ARHGAP1: variants seen among roughly 807,000 people sequenced by gnomAD.
The protein encoded by ARHGAP1 is rho GTPase-activating protein 1.
ARHGAP1 carries 23 observed loss-of-function variants against 52.2 expected under a neutral mutation model. The ratio of observed to expected loss-of-function variants is 0.44; its 90% CI spans 0.32 to 0.62. The LOEUF (loss-of-function observed/expected upper bound fraction) is 0.62. Ranked by LOEUF, ARHGAP1 falls within the 20% of genes least tolerant of loss-of-function variation. The probability of loss-of-function intolerance (pLI) is 0.05; values close to 1 mark genes in which losing one functional copy is unlikely to be tolerated. For missense variants in ARHGAP1, 480 were observed against 560.9 expected, an observed-to-expected ratio of 0.86 and a Z score of 1.46; for synonymous variants, 210 against 228.4, an observed-to-expected ratio of 0.92 and a Z score of 0.73.
chr11:46,687,599 G>T (rs1319198495), intron 4 of ARHGAP1: 1 of 152,428 alleles, frequency 6.6e-6, no homozygotes, highest in Admixed American at 6.5e-5. Context: ...TTGCTCGCCT[G>T]TGGGCCCAGA....
In ARHGAP1 at chr11:46,695,543, A is replaced by C. The variant is rs73454020; in HGVS notation, c.229+117T>G. The C allele has an allele frequency of 4.5e-4, 501 of 1,116,558 alleles. 2 individuals are homozygous for C. The African/African-American group carries it at 7.1e-3, about 16-fold the overall frequency. The allele number at this position is 1,116,558 out of a possible 1,614,324, so 69.2% of individuals were successfully genotyped here. On this transcript the variant is annotated intron_variant, in intron 3 of 12. Coordinates refer to ENST00000311956, the MANE Select transcript of ARHGAP1 (RefSeq NM_004308.5). The stretch of plus-strand genomic sequence containing the variant: ...TAGGCCACATGGCTCCCCACATGCC[A>C]GGAGCACCAGGGCCAGCGGTCAGAC...
intron 4 of ARHGAP1, chr11:46,686,733 CT>C (rs34162125): frequency 2.0e-3 from 263 of 134,060 alleles, no homozygotes; most frequent in Middle Eastern, 4.7e-3. Flanking sequence ...CAGGCACTTT[CT>C]TTTTTTTTTT....
chr11:46,693,573 TTTATTG>T (rs1364502321), intron 3 of ARHGAP1, among the ~76,000 whole-genome samples: 2 of 151,902 alleles, frequency 1.3e-5, no homozygotes, highest in African/African-American at 4.8e-5. Context: ...ACCTGGCTAA[TTTATTG>T]TTATTATTTT....
Position 46,691,271 on chromosome 11 carries a change from T to C in ARHGAP1, c.230-3011A>G, listed in dbSNP as rs1004987477. ...CATTAAACTATGGGATGCCTGGTTC[T>C]AGTTATATTTCTGTGTTTGTTCTTC... On this transcript the variant is annotated intron_variant, in intron 3 of 12. Transcript: ENST00000311956. Among the ~76,000 whole-genome samples the C allele has an allele frequency of 2.6e-5, 4 of 152,196 alleles. No individual in the cohort carries two copies. The South Asian group carries it at 8.3e-4, about 32-fold the overall frequency.
chr11:46,683,192 C>G (rs1304789323), intron 4 of ARHGAP1, among the ~76,000 whole-genome samples: 3 of 152,048 alleles, frequency 2.0e-5, no homozygotes, highest in Admixed American at 6.6e-5. Context: ...GTGTGAGCCA[C>G]CACACCCGGC....
rs747255016 is a variant in ARHGAP1 at position 46,681,019 on chromosome 11, T to C, written c.627A>G (p.Gln209=). Residue 209 remains glutamine, a synonymous_variant, in exon 7 of 13, where the codon CAA becomes CAG. Transcript: ENST00000311956. The surrounding 1 kb of genome is among the most constrained non-coding windows in gnomAD (Gnocchi z 5.7). ...VKLEQLGIPR[Q]VLKYDDFLKS... is the part of the protein sequence containing the mutation. The stretch of plus-strand genomic sequence containing the variant: ...CGCCGCACCCGCCTCACTTGAGCAC[T>C]TGGCGAGGGATCCCCAGCTGCTCCA... 1 of 1,614,028 alleles carries C rather than the reference T, an allele frequency of 6.2e-7. No homozygotes were observed. Among genetic ancestry groups the C allele is most frequent in the Non-Finnish European group, 8.5e-7 (1 of 1,179,968 alleles).
At position 46,680,616 on chromosome 11, in the gene ARHGAP1, G is replaced by A. The variant is rs1228829042; in HGVS notation, c.743+24C>T. ...CCTGCAGCCCTTCCCGCCCCGCCGT[G>A]GCCCAGCCACCTTTCATACTTACTG... On this transcript the variant is annotated intron_variant, in intron 8 of 12. Transcript: ENST00000311956. This position sits in a 1 kb window ranked among gnomAD's most constrained non-coding sequence, Gnocchi z 5.9. 2 of 1,613,442 alleles carry A rather than the reference G, an allele frequency of 1.2e-6. No individual in the cohort carries two copies. Among genetic ancestry groups the A allele is most frequent in the South Asian group, 2.2e-5 (2 of 91,064 alleles).
chr11:46,679,729 C>T lies in ARHGAP1; in HGVS notation c.946G>A (p.Val316Ile). The part of the protein sequence containing the change: ...DQYNELHLPA[V>I]ILKTFLRELP... ...TCCCGGAGGAAGGTCTTGAGGATGA[C>T]TGCTGGCAGGTGCAGCTCATTGTAC... The change falls in exon 11 of 13, where the codon GTC (valine) becomes ATC (isoleucine). Residue 316 changes from valine to isoleucine, a missense_variant. By Grantham distance (29) the Val-to-Ile change is conservative. Transcript: ENST00000311956. This position sits in a 1 kb window ranked among gnomAD's most constrained non-coding sequence, Gnocchi z 4.4. 2 of 1,614,070 alleles carry T rather than the reference C, an allele frequency of 1.2e-6. No homozygotes were observed. Among genetic ancestry groups the T allele is most frequent in the South Asian group, 1.1e-5 (1 of 91,084 alleles).
rs2064648238 is a variant in ARHGAP1 at position 46,695,809 on chromosome 11, G to C, written c.134-54C>G. ...AGCCAGGGGGCTGGCACCATGCTCTGCCCCACAGGCATGCTGTCTGGCCCT... is the reference window on the plus strand; with the variant it reads ...AGCCAGGGGGCTGGCACCATGCTCTCCCCCACAGGCATGCTGTCTGGCCCT... On this transcript the variant is annotated intron_variant, in intron 2 of 12. Coordinates refer to ENST00000311956, the MANE Select transcript of ARHGAP1 (RefSeq NM_004308.5). 7.1e-6 allele frequency: 11 copies of C among 1,556,854 alleles called. No homozygotes were observed. The South Asian group carries it at 1.3e-4, about 18-fold the overall frequency.
chr11:46,688,370 C>T, intron 3 of ARHGAP1, 110 bp from the exon 4 acceptor site: 2 of 1,090,214 alleles, frequency 1.8e-6, no homozygotes, highest in Non-Finnish European at 2.7e-6. Flanking sequence ...ACCACAGGGG[C>T]CAGAGTGCCC....
Position 46,681,254 on chromosome 11 carries a change from G to T in ARHGAP1, c.536+39C>A. The T allele has an allele frequency of 6.3e-7, 1 of 1,584,830 alleles. No homozygotes were observed. Among genetic ancestry groups the T allele is most frequent in the Non-Finnish European group, 8.7e-7 (1 of 1,153,432 alleles). The stretch of plus-strand genomic sequence containing the variant: ...CCAGCCTCCCAGCTTCAGAGTTCCA[G>T]GCAAGCCGGGACCACCAGCCCTGCC... On this transcript the variant is annotated intron_variant, in intron 6 of 12. Transcript: ENST00000311956. This position sits in a 1 kb window ranked among gnomAD's most constrained non-coding sequence, Gnocchi z 5.7.
In ARHGAP1 at chr11:46,679,883, C is replaced by A; in HGVS notation, c.899-107G>T. 1 of 1,526,936 alleles carries A rather than the reference C, an allele frequency of 6.5e-7. No homozygotes were observed. 94.6% of individuals were successfully genotyped at this position (1,526,936 alleles called of 1,614,324 possible). On this transcript the variant is annotated intron_variant, in intron 10 of 12. Transcript: ENST00000311956. This position sits in a 1 kb window ranked among gnomAD's most constrained non-coding sequence, Gnocchi z 4.4. ...TGACTGCCCCTGGACACTGCATAAGCCCCTCCTCCCAGGGGCGCCCTCTGA... is the reference window on the plus strand; with the variant it reads ...TGACTGCCCCTGGACACTGCATAAGACCCTCCTCCCAGGGGCGCCCTCTGA...
chr11:46,696,234 G>A lies in ARHGAP1; in HGVS notation c.-49-78C>T. On this transcript the variant is annotated intron_variant, in intron 1 of 12. Transcript: ENST00000311956. The surrounding 1 kb of genome is among the most constrained non-coding windows in gnomAD (Gnocchi z 4.8). ...TGCGACCTCCACCGCGTGCCCTCCT[G>A]CCCCCACCATTCCCTCTCCCAGGCT... 2 of 977,372 alleles carry A rather than the reference G, an allele frequency of 2.0e-6. No homozygotes were observed. Among genetic ancestry groups the A allele is most frequent in the Non-Finnish European group, 3.0e-6 (2 of 674,264 alleles). 60.5% of individuals were successfully genotyped at this position (977,372 alleles called of 1,614,324 possible). A position where few individuals can be genotyped will look rare whatever the true frequency, so the allele number is the denominator to read the frequency against.
At position 46,681,312 on chromosome 11, in the gene ARHGAP1, G is replaced by A; in HGVS notation, c.517C>T (p.Leu173Phe). Residue 173 changes from leucine to phenylalanine, a missense_variant, in exon 6 of 13, where the codon CTC (leucine) becomes TTC (phenylalanine). Coordinates refer to ENST00000311956, the MANE Select transcript of ARHGAP1 (RefSeq NM_004308.5). This position sits in a 1 kb window ranked among gnomAD's most constrained non-coding sequence, Gnocchi z 5.7. ...PTMFIKTLLI[L>F]FKPLISFKFG... ...ACTCACCTGATGAGGGGCTTGAAGA[G>A]GATGAGCAGAGTTTTGATGAACATG... The A allele has an allele frequency of 6.2e-7, 1 of 1,613,728 alleles. No individual in the cohort carries two copies. The highest frequency in any genetic ancestry group is 8.5e-7 in the Non-Finnish European group (1 of 1,179,604).
Position 46,696,306 on chromosome 11 carries a change from C to A in ARHGAP1, c.-49-150G>T. On this transcript the variant is annotated intron_variant, in intron 1 of 12. Coordinates refer to ENST00000311956, the MANE Select transcript of ARHGAP1 (RefSeq NM_004308.5). The surrounding 1 kb of genome is among the most constrained non-coding windows in gnomAD (Gnocchi z 4.8). Reference sequence around the variant, plus strand: ...CTCCTCATCCCCGCCAAGAGCTCCACGTAGCTCTGGGTTCTCCTGGCTCCG... The same window carrying A: ...CTCCTCATCCCCGCCAAGAGCTCCAAGTAGCTCTGGGTTCTCCTGGCTCCG... The A allele has an allele frequency of 1.7e-6, 1 of 603,556 alleles. No individual in the cohort carries two copies. The allele number at this position is 603,556 out of a possible 1,614,324, so 37.4% of individuals were successfully genotyped here.
intron 4 of ARHGAP1, among the ~76,000 whole-genome samples, chr11:46,683,600 C>G (rs555465096): frequency 6.6e-6 from 1 of 151,474 alleles, no homozygotes; most frequent in South Asian, 2.1e-4. Flanking sequence ...ATGGAATGAA[C>G]AAGAACTGGG....
At chr11:46,687,729 C>A (rs573360170) in intron 4 of ARHGAP1, 1 of 156,254 alleles carries the variant, frequency 6.4e-6, no homozygotes, top group African/African-American at 2.4e-5. Flanking sequence ...GAACCCACAT[C>A]GGTATAGAAA....
intron 2 of ARHGAP1, 32 bp from the exon 3 acceptor site, chr11:46,695,787 CA>C (rs1301344135): frequency 6.4e-7 from 1 of 1,554,036 alleles, no homozygotes; most frequent in East Asian, 2.4e-5. Context: ...GGGGACAAGC[CA>C]GGGGGCTGGC....
At position 46,679,433 on chromosome 11, in the gene ARHGAP1, G is replaced by T; in HGVS notation, c.1063C>A (p.Gln355Lys). The change falls in exon 12 of 13, where the codon CAG becomes AAG. Residue 355 changes from glutamine (Q) to lysine (K), a missense_variant. Transcript: ENST00000311956. The surrounding 1 kb of genome is among the most constrained non-coding windows in gnomAD (Gnocchi z 4.4). ...DESQRVPATLQVLQTLPEENY... is the reference protein window; with the variant it reads ...DESQRVPATLKVLQTLPEENY... ...TCCTCGGGCAGCGTCTGGAGGACCT[G>T]CAGTGTCGCTGGCACCCTCTGGCTT... The T allele has an allele frequency of 1.2e-6, 2 of 1,614,186 alleles. No homozygotes were observed. Among genetic ancestry groups the T allele is most frequent in the Non-Finnish European group, 1.7e-6 (2 of 1,180,024 alleles).
Sources: gnomAD v4.1 joint callset for allele counts (sites outside exome capture counted in the v4.1 genomes callset) on GRCh38, gnomAD v4.1.1 for gene constraint, Gnocchi (gnomAD v3.1) non-coding constraint, MANE v1.5 for transcripts, NCBI Gene and HGNC (gene_info 2026-07-23, HGNC 2026-07-21) for gene names.